IL12RB1: variants seen among roughly 807,000 people sequenced by gnomAD.
IL12RB1 encodes the protein interleukin-12 receptor subunit beta-1.
A neutral mutation model predicts 94.4 loss-of-function variants in IL12RB1; 64 were observed. The observed-to-expected ratio is 0.68, with a 90% CI of 0.55 to 0.83. IL12RB1 has a LOEUF of 0.83. Ranked by LOEUF, IL12RB1 falls within the 40% of genes least tolerant of loss-of-function variation. The probability of loss-of-function intolerance (pLI) is 0.00; values close to 1 mark genes in which losing one functional copy is unlikely to be tolerated. For synonymous variants in IL12RB1, 362 were observed against 355.5 expected, an observed-to-expected ratio of 1.02 and a Z score of -0.21; for missense variants, 814 against 855.6, an observed-to-expected ratio of 0.95 and a Z score of 0.61.
chr19:18,070,441 G>A, intron 9 of IL12RB1: 2 of 730,692 alleles, frequency 2.7e-6, no homozygotes, highest in Non-Finnish European at 3.3e-6. Context: ...GCCACTGGTG[G>A]TCTCATGCCA....
chr19:18,061,893 C>T (rs1286806630), intron 14 of IL12RB1, among the ~76,000 whole-genome samples: 1 of 118,572 alleles, frequency 8.4e-6, no homozygotes, highest in Non-Finnish European at 1.9e-5. Flanking sequence ...AGAAATTTTG[C>T]ATAAACTGCC....
At chr19:18,065,063 A>G (rs909085705) in intron 12 of IL12RB1, among the ~76,000 whole-genome samples, 1 of 152,160 alleles carries the variant, frequency 6.6e-6, no homozygotes, top group Non-Finnish European at 1.5e-5. Flanking sequence ...GCGGGTATAA[A>G]TATGAGACGT....
At chr19:18,095,890 T>C (rs2036871482) in intron 1 of IL12RB1, among the ~76,000 whole-genome samples, 1 of 151,968 alleles carries the variant, frequency 6.6e-6, no homozygotes, top group Admixed American at 6.6e-5. Flanking sequence ...CGAAGACAAC[T>C]GCGGCTGCAG....
At chr19:18,059,852 A>G in intron 16 of IL12RB1, 42 bp downstream of exon 16, 1 of 861,084 alleles carries the variant, frequency 1.2e-6, no homozygotes, top group Non-Finnish European at 1.8e-6. Flanking sequence ...CCCCCCGGGC[A>G]GGGTTGCACC....
rs2034120795 is a variant in IL12RB1 at position 18,061,429 on chromosome 19, C to A, written c.1716-232G>T. ...TAGTTTTGGTAGAGAGAGGTTTCGC[C>A]ATGTTGGCCAGGCTGGTGTCCAACT... On this transcript the variant is annotated intron_variant, in intron 14 of 16. Transcript: ENST00000593993. Among the ~76,000 whole-genome samples the A allele has an allele frequency of 1.3e-5, 2 of 152,062 alleles. 1 individual carries two copies. Among genetic ancestry groups the A allele is most frequent in the South Asian group, 4.1e-4 (2 of 4,820 alleles).
rs768902454 is a variant in IL12RB1 at position 18,064,006 on chromosome 19, A to G, written c.1488T>C (p.His496=). Residue 496 remains histidine (H), a synonymous_variant, in exon 13 of 17, where the codon CAT becomes CAC. Transcript: ENST00000593993. ...CTTGGGTCTCTGTGGGCTGCACGGG[A>G]TGCTCTGCAGTGGGAGAGGCAACCC... The part of the protein sequence containing the change: ...RDEDSKQVSE[H]PVQPTETQVT... 3 of 1,611,840 alleles carry G rather than the reference A, an allele frequency of 1.9e-6. No individual in the cohort carries two copies. The highest frequency in any genetic ancestry group is 2.5e-6 in the Non-Finnish European group (3 of 1,178,416).
chr19:18,059,802 G>A lies in IL12RB1; in HGVS notation c.1983+92C>T. ...TTTCGTTTCTCCCTCAGGCCTCCAG[G>A]CCCTGATATCCCAGGAGCGATGGAT... On this transcript the variant is annotated intron_variant, in intron 16 of 16. Transcript: ENST00000593993. The A allele has an allele frequency of 6.5e-6, 5 of 774,700 alleles. No individual in the cohort carries two copies. The South Asian group carries it at 7.3e-5, about 11-fold the overall frequency. The allele number at this position is 774,700 out of a possible 1,614,324, so 48.0% of individuals were successfully genotyped here.
Position 18,066,568 on chromosome 19 carries a change from C to T in IL12RB1, c.1457G>A (p.Arg486Gln), listed in dbSNP as rs369576406. 2.7e-4 allele frequency: 434 copies of T among 1,613,432 alleles called. 6 individuals carry two copies. In the South Asian group the frequency reaches 3.8e-3, roughly 14 times the overall value. Reference sequence around the variant, plus strand: ...TGACACCTGTTTGCTGTCTTCATCTCGGCAGCGGACAACATACTCCTTTAG... The same window carrying T: ...TGACACCTGTTTGCTGTCTTCATCTTGGCAGCGGACAACATACTCCTTTAG... Reference protein sequence around the residue: ...GVLKEYVVRCRDEDSKQVSEH... With the variant: ...GVLKEYVVRCQDEDSKQVSEH... Residue 486 changes from arginine (R) to glutamine (Q), a missense_variant, in exon 12 of 17, where the codon CGA (arginine) becomes CAA (glutamine). By Grantham distance (43) the Arg-to-Gln change is conservative (BLOSUM62 1). Transcript: ENST00000593993.
chr19:18,069,426 A>G (rs2305740), intron 10 of IL12RB1, 120 bp downstream of exon 10: 177,330 of 968,782 alleles, frequency 0.18, 17,798 homozygotes, highest in Non-Finnish European at 0.21. Flanking sequence ...TTGAGTAAGC[A>G]GCAACACCTC....
chr19:18,072,022 C>T lies in IL12RB1; in HGVS notation c.1021+90G>A, dbSNP rs200104143. ...GGCACTCCTTTAAAATTTTCTGCCT[C>T]GCTCCTCTCACCCTGGTCTAGCTGA... On this transcript the variant is annotated intron_variant, in intron 9 of 16. Transcript: ENST00000593993. The T allele has an allele frequency of 1.4e-4, 126 of 918,630 alleles. 1 individual carries two copies. In the East Asian group the frequency reaches 1.7e-3, roughly 13 times the overall value. 56.9% of individuals were successfully genotyped at this position (918,630 alleles called of 1,614,324 possible).
chr19:18,084,530 C>T (rs1426548506), intron 1 of IL12RB1, among the ~76,000 whole-genome samples: 1 of 151,710 alleles, frequency 6.6e-6, no homozygotes, highest in East Asian at 1.9e-4. Flanking sequence ...ATTCATTAAT[C>T]CATTATCCAT....
exon 1 of IL12RB1, chr19:18,098,897 G>A (rs1489527549): frequency 2.3e-6 from 1 of 426,354 alleles, no homozygotes; most frequent in Non-Finnish European, 4.7e-6. Flanking sequence ...CCCACGGAGT[G>A]ATCAGTTGTG....
intron 4 of IL12RB1, among the ~76,000 whole-genome samples, chr19:18,080,388 G>C (rs1000593405): frequency 6.6e-6 from 1 of 152,040 alleles, no homozygotes; most frequent in Non-Finnish European, 1.5e-5. Flanking sequence ...ACAGGCGCGC[G>C]TGGCCACTCC....
intron 1 of IL12RB1, among the ~76,000 whole-genome samples, chr19:18,084,680 T>G (rs1568522755): frequency 6.6e-6 from 1 of 152,018 alleles, no homozygotes; most frequent in Non-Finnish European, 1.5e-5. Flanking sequence ...CATCCATCCA[T>G]CCATCCATCC....
chr19:18,066,790 G>T (rs1369599041), intron 11 of IL12RB1, 93 bp from the exon 12 acceptor site: 2 of 949,676 alleles, frequency 2.1e-6, no homozygotes, highest in Non-Finnish European at 3.3e-6. Flanking sequence ...ACTTTGGGAG[G>T]CCGAGGTGGG....
chr19:18,060,814 T>G (rs780180410), intron 15 of IL12RB1, among the ~76,000 whole-genome samples: 3 of 152,148 alleles, frequency 2.0e-5, no homozygotes, highest in Non-Finnish European at 4.4e-5. Context: ...TCAGCCTGCC[T>G]GCGGAAGAAC....
At chr19:18,080,435 C>T (rs1287721269) in intron 4 of IL12RB1, among the ~76,000 whole-genome samples, 1 of 152,100 alleles carries the variant, frequency 6.6e-6, no homozygotes, top group East Asian at 1.9e-4. Context: ...GATGGGGTTT[C>T]ACCATGTTGA....
chr19:18,081,056 A>G, intron 3 of IL12RB1, 55 bp from the exon 4 acceptor site: 1 of 1,525,012 alleles, frequency 6.6e-7, no homozygotes, highest in Non-Finnish European at 9.0e-7. Flanking sequence ...TGGACCCCAC[A>G]GCCGACTTTG....
intron 9 of IL12RB1, among the ~76,000 whole-genome samples, chr19:18,070,356 T>C (rs1392929271): frequency 6.6e-6 from 1 of 152,246 alleles, no homozygotes; most frequent in Non-Finnish European, 1.5e-5. Flanking sequence ...CTGTGGCAGA[T>C]ACCTGGCTGC....
Sources: gnomAD v4.1 joint callset for allele counts (sites outside exome capture counted in the v4.1 genomes callset) on GRCh38, gnomAD v4.1.1 for gene constraint, MANE v1.5 for transcripts, NCBI Gene and HGNC (gene_info 2026-07-23, HGNC 2026-07-21) for gene names.